Variants in TRDN observed in about 807,000 individuals in gnomAD.
TRDN encodes triadin in skeletal muscle.
A neutral mutation model predicts 149.7 loss-of-function variants in TRDN; 161 were observed. The observed-to-expected ratio is 1.08, with a 90% CI of 0.95 to 1.23. TRDN has a LOEUF of 1.23. TRDN is among the 50% of genes most tolerant of loss of function. TRDN has a pLI of 0.00. For missense variants in TRDN, 896 were observed against 823.5 expected, an observed-to-expected ratio of 1.09 and a Z score of -1.08; for synonymous variants, 294 against 250.5, an observed-to-expected ratio of 1.17 and a Z score of -1.64.
chr6:123,561,932 C>T (rs927327634), intron 2 of TRDN, among the ~76,000 whole-genome samples: 15 of 152,108 alleles, frequency 9.9e-5, no homozygotes, highest in Admixed American at 9.2e-4. Flanking sequence ...TATAAGAAGA[C>T]AGGAATGTCA....
At chr6:123,542,068 A>C (rs1780863599) in intron 4 of TRDN, among the ~76,000 whole-genome samples, 1 of 152,192 alleles carries the variant, frequency 6.6e-6, no homozygotes, top group African/African-American at 2.4e-5. Flanking sequence ...CTGAGTTAAA[A>C]TTTACCAGGC....
Position 123,366,198 on chromosome 6 carries a change from T to G in TRDN, c.1274-16A>C, listed in dbSNP as rs1170051528. On this transcript the variant is annotated splice_polypyrimidine_tract_variant and intron_variant, in intron 19 of 40. Coordinates refer to ENST00000334268, the MANE Select transcript of TRDN (RefSeq NM_006073.4). Reference sequence around the variant, plus strand: ...CGTTCAGTTTCTGCAAGTTCAGATATTAAAGGAATGAGAAGTGGATATTAG... The same window carrying G: ...CGTTCAGTTTCTGCAAGTTCAGATAGTAAAGGAATGAGAAGTGGATATTAG... 3 of 1,612,164 alleles carry G rather than the reference T, an allele frequency of 1.9e-6. No individual in the cohort carries two copies. The highest frequency in any genetic ancestry group is 2.5e-6 in the Non-Finnish European group (3 of 1,178,696).
chr6:123,602,787 CTT>C (rs1483156843), intron 1 of TRDN, among the ~76,000 whole-genome samples: 1 of 152,042 alleles, frequency 6.6e-6, no homozygotes, highest in Non-Finnish European at 1.5e-5. Context: ...AAAGGAAGCT[CTT>C]GTTATTTCCA....
chr6:123,315,601 C>T (rs753527219), intron 24 of TRDN, among the ~76,000 whole-genome samples: 1 of 151,810 alleles, frequency 6.6e-6, no homozygotes, highest in Non-Finnish European at 1.5e-5. Flanking sequence ...TCATGAATGT[C>T]TGCTTTTTTG....
intron 9 of TRDN, among the ~76,000 whole-genome samples, chr6:123,493,811 T>C (rs1054489900): frequency 1.3e-5 from 2 of 152,176 alleles, no homozygotes; most frequent in South Asian, 2.1e-4. Context: ...TTACATTGTC[T>C]CTAAATTAAT....
rs890360432 is a variant in TRDN at position 123,610,137 on chromosome 6, G to A, written c.22+26617C>T. The stretch of plus-strand genomic sequence containing the variant: ...ATTTCTTGCATGCAATAGCTATTAA[G>A]AGTCTCCAAAATATACTGAAGTTTC... On this transcript the variant is annotated intron_variant, in intron 1 of 40. Transcript: ENST00000334268. Among the ~76,000 whole-genome samples, 3 of 152,280 alleles carry A rather than the reference G, an allele frequency of 2.0e-5. No individual in the cohort carries two copies. The East Asian group carries it at 5.8e-4, about 29-fold the overall frequency.
At chr6:123,334,972 C>T (rs1779808924) in intron 22 of TRDN, among the ~76,000 whole-genome samples, 1 of 151,952 alleles carries the variant, frequency 6.6e-6, no homozygotes, top group African/African-American at 2.4e-5. Context: ...AAGTAACTGA[C>T]AAAATACAAC....
At chr6:123,485,704 G>A (rs1311223597) in intron 9 of TRDN, among the ~76,000 whole-genome samples, 1 of 152,072 alleles carries the variant, frequency 6.6e-6, no homozygotes, top group Non-Finnish European at 1.5e-5. Context: ...TTATGTGTAT[G>A]TATATGCTCA....
At chr6:123,422,258 T>C (rs1461251399) in intron 12 of TRDN, among the ~76,000 whole-genome samples, 1 of 152,142 alleles carries the variant, frequency 6.6e-6, no homozygotes, top group Non-Finnish European at 1.5e-5. Flanking sequence ...TGCCCACACA[T>C]CTAACATGTT....
intron 21 of TRDN, chr6:123,350,484 ATTAT>A (rs1780421290): frequency 3.6e-6 from 2 of 555,206 alleles, no homozygotes; most frequent in Non-Finnish European, 4.6e-6. Flanking sequence ...AAACTAATAG[ATTAT>A]TTATACTTCT....
chr6:123,363,600 G>A (rs1178433708), intron 20 of TRDN, among the ~76,000 whole-genome samples: 1 of 152,178 alleles, frequency 6.6e-6, no homozygotes, highest in Admixed American at 6.5e-5. Flanking sequence ...CGAATAGATA[G>A]ATAATTTATT....
intron 8 of TRDN, among the ~76,000 whole-genome samples, chr6:123,497,870 G>C (rs892203450): frequency 1.3e-5 from 2 of 152,116 alleles, no homozygotes; most frequent in African/African-American, 4.8e-5. Flanking sequence ...ATCTTCTTAA[G>C]ATCATCTTAT....
chr6:123,624,571 A>G (rs1052167824), intron 1 of TRDN, among the ~76,000 whole-genome samples: 1 of 152,138 alleles, frequency 6.6e-6, no homozygotes, highest in African/African-American at 2.4e-5. Context: ...GGACCCTGTC[A>G]TGCTTTTACA....
intron 24 of TRDN, among the ~76,000 whole-genome samples, chr6:123,295,228 A>G (rs573324215): frequency 6.6e-6 from 1 of 152,286 alleles, no homozygotes; most frequent in Admixed American, 6.5e-5. Flanking sequence ...CTCCTCCCCT[A>G]GAAATGTCTG....
chr6:123,516,120 G>A, intron 6 of TRDN, 21 bp downstream of exon 6: 1 of 1,470,232 alleles, frequency 6.8e-7, no homozygotes, highest in Non-Finnish European at 9.1e-7. Context: ...GTGTTAAACA[G>A]TAATAAAAGT....
chr6:123,402,085 G>C (rs145294288), intron 12 of TRDN, among the ~76,000 whole-genome samples: 51 of 152,292 alleles, frequency 3.3e-4, no homozygotes, highest in African/African-American at 1.2e-3. Flanking sequence ...GAAGAGTCTT[G>C]TTTGATGTTA....
At chr6:123,294,207 T>A (rs374197951) in intron 24 of TRDN, among the ~76,000 whole-genome samples, 1 of 152,252 alleles carries the variant, frequency 6.6e-6, no homozygotes, top group East Asian at 1.9e-4. Context: ...AGATTAACAT[T>A]CAAAAGGTCT....
At chr6:123,496,604 T>C (rs1019358760) in intron 9 of TRDN, among the ~76,000 whole-genome samples, 2 of 152,064 alleles carry the variant, frequency 1.3e-5, no homozygotes, top group African/African-American at 2.4e-5. Flanking sequence ...TACCTTTTTA[T>C]ACTCTGGGCA....
chr6:123,364,652 T>C (rs190509739), intron 20 of TRDN, among the ~76,000 whole-genome samples: 2 of 152,046 alleles, frequency 1.3e-5, no homozygotes, highest in African/African-American at 4.8e-5. Flanking sequence ...CTCAAAAAAT[T>C]AAAAAATAAT....
Sources: gnomAD v4.1 joint callset for allele counts (sites outside exome capture counted in the v4.1 genomes callset) on GRCh38, gnomAD v4.1.1 for gene constraint, MANE v1.5 for transcripts, NCBI Gene and HGNC (gene_info 2026-07-23, HGNC 2026-07-21) for gene names.